Variants in TSC22D2 observed in about 807,000 individuals in gnomAD.
TSC22D2 encodes TSC22 domain family protein 2.
Under a neutral mutation model 50.1 loss-of-function variants are expected in TSC22D2, and 5 were observed. The observed-to-expected ratio is 0.10, with a 90% confidence interval of 0.05 to 0.21. TSC22D2 has a LOEUF of 0.21. TSC22D2 is among the 10% of genes least tolerant of loss of function. TSC22D2 has a pLI of 1.00. For missense variants in TSC22D2, 1,003 were observed against 1,015.5 expected, an observed-to-expected ratio of 0.99 and a Z score of 0.17; for synonymous variants, 501 against 450.1, an observed-to-expected ratio of 1.11 and a Z score of -1.43.
chr3:150,435,040 C>T (rs549996598), intron 1 of TSC22D2, among the ~76,000 whole-genome samples: 1 of 152,238 alleles, frequency 6.6e-6, no homozygotes, highest in Admixed American at 6.5e-5. Context: ...TGCAATAGCA[C>T]GATCTCGGCT....
At chr3:150,438,721 T>TA (rs1038692000) in intron 1 of TSC22D2, among the ~76,000 whole-genome samples, 4 of 152,016 alleles carry the variant, frequency 2.6e-5, no homozygotes, top group Admixed American at 6.6e-5. Context: ...ATCTTTTCTT[T>TA]AAAAAAAATC....
chr3:150,438,185 A>C (rs1720611109), intron 1 of TSC22D2: 2 of 411,554 alleles, frequency 4.9e-6, no homozygotes, highest in Non-Finnish European at 1.0e-5. Flanking sequence ...TATTTACTTA[A>C]ACTCTTTGCT....
chr3:150,434,570 A>G (rs1489941664), intron 1 of TSC22D2, among the ~76,000 whole-genome samples: 1 of 152,176 alleles, frequency 6.6e-6, no homozygotes, highest in Non-Finnish European at 1.5e-5. Flanking sequence ...TAATTTCAAT[A>G]TCTTTTTCCT....
rs1389185389 is a variant in TSC22D2, at chr3:150,409,793, C to A, written c.443C>A (p.Thr148Asn). 8.7e-6 allele frequency: 14 copies of A among 1,603,174 alleles called. No homozygotes were observed. The highest frequency in any genetic ancestry group is 1.2e-5 in the Non-Finnish European group (14 of 1,179,940). ...QLAGSSAGPV[T>N]AAPSQPPTTC... ...GCGGGCTCATCCGCCGGGCCAGTGA[C>A]TGCAGCCCCATCTCAGCCTCCCACC... Residue 148 changes from threonine to asparagine, a missense_variant, in exon 1 of 3, where the codon ACT (threonine) becomes AAT (asparagine). Thr to Asn is a moderately conservative substitution (Grantham distance 65). Transcript: ENST00000688009. This position sits in a 1 kb window ranked among gnomAD's most constrained non-coding sequence, Gnocchi z 7.4.
rs1721374748 is a variant in TSC22D2 at position 150,460,805 on chromosome 3, A to AAAT, written c.*2171_*2173dup. On this transcript the variant is annotated 3_prime_UTR_variant, in exon 3 of 3. Coordinates refer to ENST00000688009, the MANE Select transcript of TSC22D2 (RefSeq NM_001303264.2). ...AGTCTTAGAAATGGGATTTTTGTGA[A>AAAT]AATAGATTCCATTTTGATTCTGGGG... 1 of 152,110 alleles carries AAAT rather than the reference A, an allele frequency of 6.6e-6. No homozygotes were observed. The highest frequency in any genetic ancestry group is 6.6e-5 in the Admixed American group (1 of 15,258). 9.4% of individuals were successfully genotyped at this position (152,110 alleles called of 1,614,324 possible). A position where few individuals can be genotyped will look rare whatever the true frequency, so the allele number is the denominator to read the frequency against.
rs1230618917 is a variant in TSC22D2, at chr3:150,462,968, T to C, written c.*4332T>C. ...ATTTTCTTGTCCCTCCAAAAAAAGATTAAAGAGTCCCAACTCATACTTGAA... is the reference window on the plus strand; with the variant it reads ...ATTTTCTTGTCCCTCCAAAAAAAGACTAAAGAGTCCCAACTCATACTTGAA... On this transcript the variant is annotated 3_prime_UTR_variant, in exon 3 of 3. Transcript: ENST00000688009. The C allele has an allele frequency of 6.6e-6, 1 of 152,238 alleles. No individual in the cohort carries two copies. Among genetic ancestry groups the C allele is most frequent in the Non-Finnish European group, 1.5e-5 (1 of 68,046 alleles). The allele number at this position is 152,238 out of a possible 1,614,324, so 9.4% of individuals were successfully genotyped here.
At chr3:150,430,073 T>C (rs1479525932) in intron 1 of TSC22D2, among the ~76,000 whole-genome samples, 1 of 152,152 alleles carries the variant, frequency 6.6e-6, no homozygotes, top group African/African-American at 2.4e-5. Flanking sequence ...AAATACATTA[T>C]CACATGATTG....
rs1449668680 is a variant in TSC22D2, at chr3:150,462,164, C to T, written c.*3528C>T. ...AGGGTAGGTTTCCTCAAAAACATGACACCTGAGTCTTGAAGGTCATAAGAG... is the reference window on the plus strand; with the variant it reads ...AGGGTAGGTTTCCTCAAAAACATGATACCTGAGTCTTGAAGGTCATAAGAG... On this transcript the variant is annotated 3_prime_UTR_variant, in exon 3 of 3. Coordinates refer to ENST00000688009, the MANE Select transcript of TSC22D2 (RefSeq NM_001303264.2). 1 of 152,140 alleles carries T rather than the reference C, an allele frequency of 6.6e-6. No individual in the cohort carries two copies. The highest frequency in any genetic ancestry group is 1.5e-5 in the Non-Finnish European group (1 of 68,044). The allele number at this position is 152,140 out of a possible 1,614,324, so 9.4% of individuals were successfully genotyped here.
intron 1 of TSC22D2, among the ~76,000 whole-genome samples, chr3:150,447,550 G>A (rs930586130): frequency 1.3e-5 from 2 of 151,886 alleles, no homozygotes; most frequent in Non-Finnish European, 2.9e-5. Context: ...TTCTTTTCTC[G>A]TCTTTATTTG....
intron 1 of TSC22D2, among the ~76,000 whole-genome samples, chr3:150,413,397 C>T (rs1399102219): frequency 6.6e-6 from 1 of 152,074 alleles, no homozygotes; most frequent in Admixed American, 6.6e-5. Context: ...CATTGCTTAC[C>T]AATGTTCATT....
At chr3:150,423,458 ATT>A (rs1328053738) in intron 1 of TSC22D2, 1 of 156,726 alleles carries the variant, frequency 6.4e-6, no homozygotes, top group Admixed American at 6.5e-5. Context: ...TTTTTGTGCT[ATT>A]TTATGTTTTT....
chr3:150,444,792 G>A (rs533173593), intron 1 of TSC22D2, among the ~76,000 whole-genome samples: 1 of 152,228 alleles, frequency 6.6e-6, no homozygotes, highest in South Asian at 2.1e-4. Flanking sequence ...GCCTACTTGA[G>A]TGCAGTTTTG....
At chr3:150,452,703 G>A (rs1374726381) in intron 1 of TSC22D2, among the ~76,000 whole-genome samples, 1 of 152,172 alleles carries the variant, frequency 6.6e-6, no homozygotes, top group Non-Finnish European at 1.5e-5. Context: ...TTTTCTGTGA[G>A]TGTAAGTATA....
intron 1 of TSC22D2, among the ~76,000 whole-genome samples, chr3:150,446,612 C>T (rs893598478): frequency 3.3e-5 from 5 of 152,042 alleles, no homozygotes; most frequent in Non-Finnish European, 7.4e-5. Flanking sequence ...ACTAGGCTTT[C>T]CCCCCACCCC....
chr3:150,456,970 CT>C, intron 1 of TSC22D2, 105 bp from the exon 2 acceptor site: 7 of 898,766 alleles, frequency 7.8e-6, no homozygotes, highest in Non-Finnish European at 1.2e-5. Flanking sequence ...TTTTAAATTA[CT>C]GTATATTTGG....
At chr3:150,411,331 T>C (rs1719561210) in intron 1 of TSC22D2, 23 bp downstream of exon 1, 2 of 1,568,314 alleles carry the variant, frequency 1.3e-6, no homozygotes, top group African/African-American at 1.4e-5. Flanking sequence ...CTATTTTAAA[T>C]ATTTGATAGA....
rs371900281 is a variant in TSC22D2 at position 150,410,938 on chromosome 3, A to T, written c.1588A>T (p.Asn530Tyr). 3.1e-6 allele frequency: 5 copies of T among 1,614,112 alleles called. No individual in the cohort carries two copies. The highest frequency in any genetic ancestry group is 3.4e-6 in the Non-Finnish European group (4 of 1,180,024). Residue 530 changes from asparagine to tyrosine, a missense_variant, in exon 1 of 3, where the codon AAT (asparagine) becomes TAT (tyrosine). Coordinates refer to ENST00000688009, the MANE Select transcript of TSC22D2 (RefSeq NM_001303264.2). ...SVSTTSVTMPNVPAPLAQSQQ... is the reference protein window; with the variant it reads ...SVSTTSVTMPYVPAPLAQSQQ... ...GTCTACCACTTCTGTTACTATGCCA[A>T]ATGTACCCGCGCCTCTGGCCCAGTC...
At chr3:150,419,957 T>C (rs1339120572) in intron 1 of TSC22D2, among the ~76,000 whole-genome samples, 1 of 152,198 alleles carries the variant, frequency 6.6e-6, no homozygotes, top group Non-Finnish European at 1.5e-5. Flanking sequence ...AAAAAGCTGG[T>C]TTCAAATTTT....
rs894491667 is a variant in TSC22D2 at position 150,415,705 on chromosome 3, C to T, written c.1958+4397C>T. On this transcript the variant is annotated intron_variant, in intron 1 of 2. Transcript: ENST00000688009. The stretch of plus-strand genomic sequence containing the variant: ...AGGCCAACACCTATAGTCTTAGCTA[C>T]TTGGGGAGGCTGTAGGAGGAGGATT... Among the ~76,000 whole-genome samples the T allele has an allele frequency of 4.9e-4, 75 of 152,110 alleles. 2 individuals are homozygous for T.
Sources: gnomAD v4.1 joint callset for allele counts (sites outside exome capture counted in the v4.1 genomes callset) on GRCh38, gnomAD v4.1.1 for gene constraint, Gnocchi (gnomAD v3.1) non-coding constraint, MANE v1.5 for transcripts, NCBI Gene and HGNC (gene_info 2026-07-23, HGNC 2026-07-21) for gene names.